Variants in CCDC38 observed in about 807,000 individuals in gnomAD.
The protein encoded by CCDC38 is coiled-coil domain-containing protein 38.
In CCDC38, 69 loss-of-function variants were observed where a neutral mutation model predicts 72.8. That is an observed-to-expected ratio of 0.95 (90% confidence interval 0.78 to 1.16). The LOEUF is 1.16. Among genes scored for constraint, CCDC38 ranks in the 50% most tolerant of loss-of-function variants. CCDC38 has a pLI of 0.00. For missense variants in CCDC38, 626 were observed against 638.9 expected, an observed-to-expected ratio of 0.98 and a Z score of 0.22; for synonymous variants, 201 against 213.2, an observed-to-expected ratio of 0.94 and a Z score of 0.50.
intron 4 of CCDC38, among the ~76,000 whole-genome samples, chr12:95,908,093 T>C (rs570281108): frequency 1.3e-5 from 2 of 152,076 alleles, no homozygotes; most frequent in East Asian, 3.9e-4. Flanking sequence ...CTCGGCACTT[T>C]GGGAGGCCAA....
intron 4 of CCDC38, among the ~76,000 whole-genome samples, chr12:95,914,226 G>A (rs1006724734): frequency 1.3e-5 from 2 of 152,140 alleles, no homozygotes; most frequent in Non-Finnish European, 2.9e-5. Flanking sequence ...TCGGAGGCTG[G>A]GGCACGAGAA....
intron 7 of CCDC38, among the ~76,000 whole-genome samples, chr12:95,895,740 C>G (rs1283926376): frequency 2.5e-5 from 2 of 79,892 alleles, no homozygotes; most frequent in African/African-American, 5.3e-5. Flanking sequence ...GCAACAAGAG[C>G]AAAACTCTGT....
At chr12:95,878,104 G>T in intron 13 of CCDC38, 107 bp downstream of exon 13, 1 of 1,275,912 alleles carries the variant, frequency 7.8e-7, no homozygotes, top group Non-Finnish European at 1.1e-6. Context: ...CATCAATCTA[G>T]GACTTGTGAT....
At chr12:95,884,318 C>A (rs901046743) in intron 10 of CCDC38, among the ~76,000 whole-genome samples, 1 of 152,106 alleles carries the variant, frequency 6.6e-6, no homozygotes. Context: ...AGTACAATAC[C>A]ATTTACAATT....
At chr12:95,891,526 T>C (rs1220911946) in intron 8 of CCDC38, among the ~76,000 whole-genome samples, 2 of 152,028 alleles carry the variant, frequency 1.3e-5, no homozygotes, top group Non-Finnish European at 2.9e-5. Context: ...TTGTATTTTT[T>C]TTGTAGAGAT....
chr12:95,941,183 T>C (rs370663189), intron 1 of CCDC38, among the ~76,000 whole-genome samples: 2 of 152,218 alleles, frequency 1.3e-5, no homozygotes, highest in East Asian at 1.9e-4. Flanking sequence ...TAAATACCTA[T>C]GAAAAAGAAA....
At chr12:95,894,713 C>T (rs866139961) in intron 8 of CCDC38, among the ~76,000 whole-genome samples, 1 of 152,222 alleles carries the variant, frequency 6.6e-6, no homozygotes, top group Non-Finnish European at 1.5e-5. Flanking sequence ...CACCACACTT[C>T]TTGTGCAGCC....
intron 5 of CCDC38, 24 bp downstream of exon 5, chr12:95,906,363 G>T (rs1450581003): frequency 2.6e-6 from 4 of 1,531,372 alleles, no homozygotes; most frequent in Non-Finnish European, 9.0e-7. Flanking sequence ...CACTTGGCTA[G>T]GGGAGAAAAG....
chr12:95,900,955 A>G (rs996925988), intron 5 of CCDC38, among the ~76,000 whole-genome samples: 5 of 152,182 alleles, frequency 3.3e-5, no homozygotes, highest in African/African-American at 9.7e-5. Flanking sequence ...GTCAGAGAGT[A>G]AGCTGGGGAC....
intron 7 of CCDC38, among the ~76,000 whole-genome samples, chr12:95,898,100 C>G (rs1361249168): frequency 6.6e-6 from 1 of 152,166 alleles, no homozygotes; most frequent in East Asian, 1.9e-4. Context: ...AGGAAGGGCA[C>G]TTAGATAATA....
intron 2 of CCDC38, among the ~76,000 whole-genome samples, chr12:95,926,144 G>C: frequency 6.9e-6 from 1 of 144,904 alleles, no homozygotes; most frequent in African/African-American, 2.6e-5. Flanking sequence ...ACCTCTGGTA[G>C]AATTCGGCTG....
intron 9 of CCDC38, among the ~76,000 whole-genome samples, chr12:95,890,408 C>T (rs1271957362): frequency 6.6e-6 from 1 of 152,178 alleles, no homozygotes; most frequent in Admixed American, 6.5e-5. Context: ...TTAGAGCTAC[C>T]TCTGCTCTAA....
At chr12:95,875,858 G>T (rs1277953326) in intron 13 of CCDC38, among the ~76,000 whole-genome samples, 1 of 152,018 alleles carries the variant, frequency 6.6e-6, no homozygotes, top group Non-Finnish European at 1.5e-5. Context: ...TAGGTATCTG[G>T]TTGCCTCAAT....
At position 95,878,320 on chromosome 12, in the gene CCDC38, T is replaced by C. The variant is rs768596366; in HGVS notation, c.1169A>G (p.Glu390Gly). Residue 390 changes from glutamate (E) to glycine (G), a missense_variant, in exon 13 of 16, where the codon GAG (glutamate) becomes GGG (glycine). Transcript: ENST00000344280. ...KTNSNIEFLL[E>G]QEKMLKANCV... ...GTTAGCTTTAAGCATTTTTTCTTGC[T>C]CCAAAAGAAACTCTATGTTGCTATT... 1 of 1,613,162 alleles carries C rather than the reference T, an allele frequency of 6.2e-7. No individual in the cohort carries two copies. Among genetic ancestry groups the C allele is most frequent in the South Asian group, 1.1e-5 (1 of 91,050 alleles).
intron 11 of CCDC38, among the ~76,000 whole-genome samples, chr12:95,880,202 T>TTAAGGTAACA (rs1592758014): frequency 1.3e-5 from 2 of 152,344 alleles, no homozygotes; most frequent in East Asian, 3.9e-4. Flanking sequence ...AAGTATGTGT[T>TTAAGGTAACA]ACCTTAAACA....
chr12:95,924,642 A>G (rs1048511483), intron 2 of CCDC38, among the ~76,000 whole-genome samples: 1 of 151,080 alleles, frequency 6.6e-6, no homozygotes, highest in African/African-American at 2.4e-5. Flanking sequence ...GGTAATGCCT[A>G]GGTTTTCTTC....
At chr12:95,928,798 G>A (rs562356586) in intron 2 of CCDC38, among the ~76,000 whole-genome samples, 5 of 152,270 alleles carry the variant, frequency 3.3e-5, no homozygotes, top group South Asian at 2.1e-4. Flanking sequence ...GTACCCGGCC[G>A]TGTGAGGTGT....
chr12:95,936,611 A>T, intron 1 of CCDC38, 88 bp from the exon 2 acceptor site: 3 of 1,012,998 alleles, frequency 3.0e-6, no homozygotes, highest in Non-Finnish European at 4.5e-6. Flanking sequence ...ACTCCTTAAC[A>T]GTCCTTATGG....
In CCDC38 at chr12:95,872,345, C is replaced by A. The variant is rs777275253; in HGVS notation, c.1394G>T (p.Arg465Leu). The change falls in exon 14 of 16, where the codon CGC becomes CTC. Residue 465 changes from arginine to leucine, a missense_variant. Transcript: ENST00000344280. ...GATGAGGTCACACAGTTCTACCAGG[C>A]GAGATTCTACTTTTACCAGCTTTTG... Reference protein sequence around the residue: ...PIQKLVKVESRLVELCDLIES... With the variant: ...PIQKLVKVESLLVELCDLIES... The A allele has an allele frequency of 6.2e-7, 1 of 1,614,022 alleles. No individual in the cohort carries two copies. The highest frequency in any genetic ancestry group is 8.5e-7 in the Non-Finnish European group (1 of 1,180,032).
Sources: allele counts gnomAD v4.1 joint callset (sites outside exome capture counted in the v4.1 genomes callset), GRCh38; gene constraint gnomAD v4.1.1; transcripts MANE v1.5; gene names NCBI Gene and HGNC (gene_info 2026-07-23, HGNC 2026-07-21).